The following BMP2K variants were observed in gnomAD, a reference collection of about 807,000 sequenced individuals.
BMP2K encodes BMP2 inducible kinase.
A neutral mutation model predicts 116.0 loss-of-function variants in BMP2K; 74 were observed. That is an observed-to-expected ratio of 0.64 (90% CI 0.53 to 0.77). BMP2K has a LOEUF of 0.77. Ranked by LOEUF, BMP2K falls within the 30% of genes least tolerant of loss-of-function variation. The pLI is 0.00. For synonymous variants in BMP2K, 486 were observed against 502.5 expected (o/e 0.97, Z 0.44); for missense variants, 1,365 against 1,403.6 (o/e 0.97, Z 0.44).
At chr4:78,848,348 A>T (rs1422851478) in intron 6 of BMP2K, among the ~76,000 whole-genome samples, 1 of 151,518 alleles carries the variant, frequency 6.6e-6, no homozygotes, top group Non-Finnish European at 1.5e-5. Context: ...TGCAGCATTA[A>T]CATTTGACTC....
intron 1 of BMP2K, among the ~76,000 whole-genome samples, chr4:78,799,260 G>GTT (rs35343467): frequency 1.4e-4 from 21 of 147,560 alleles, no homozygotes; most frequent in East Asian, 2.0e-4. Context: ...TTGATTGTCC[G>GTT]TTTTTTTTTT....
chr4:78,906,512 A>G (rs1276170394), intron 15 of BMP2K, among the ~76,000 whole-genome samples: 3 of 152,086 alleles, frequency 2.0e-5, no homozygotes, highest in African/African-American at 7.2e-5. Flanking sequence ...TCCATTTCTT[A>G]TACTGTGTTC....
chr4:78,914,355 C>T lies in BMP2K; in HGVS notation c.*2322C>T, dbSNP rs563794377. 6.6e-5 allele frequency: 10 copies of T among 152,136 alleles called. No individual in the cohort carries two copies. The highest frequency in any genetic ancestry group is 6.6e-4 in the Admixed American group (10 of 15,264). The allele number at this position is 152,136 out of a possible 1,614,324, so 9.4% of individuals were successfully genotyped here. A position where few individuals can be genotyped will look rare whatever the true frequency, so the allele number is the denominator to read the frequency against. On this transcript the variant is annotated 3_prime_UTR_variant, in exon 16 of 16. Transcript: ENST00000502613. ...ACATTCTTATAACACAGCACAGTGA[C>T]TTTCTTCTTTCAAGATTGTAGCTCA...
chr4:78,865,607 G>C lies in BMP2K; in HGVS notation c.1118G>C (p.Arg373Thr). 6.2e-7 allele frequency: 1 copy of C among 1,614,058 alleles called. No homozygotes were observed. The highest frequency in any genetic ancestry group is 8.5e-7 in the Non-Finnish European group (1 of 1,179,974). Reference sequence around the variant, plus strand: ...GAAACCTCAATTGCACCAAGACAAAGACCAAAGGCCAACTCTGCTACTACT... The same window carrying C: ...GAAACCTCAATTGCACCAAGACAAACACCAAAGGCCAACTCTGCTACTACT... ...PTETSIAPRQ[R>T]PKANSATTAT... Residue 373 changes from arginine to threonine, a missense_variant, in exon 10 of 16, where the codon AGA becomes ACA. Physicochemically the swap from Arg to Thr is moderately conservative, Grantham distance 71. Coordinates refer to ENST00000502613, the MANE Select transcript of BMP2K (RefSeq NM_198892.2).
chr4:78,801,814 G>A (rs973812705), intron 1 of BMP2K, among the ~76,000 whole-genome samples: 1 of 152,090 alleles, frequency 6.6e-6, no homozygotes, highest in Non-Finnish European at 1.5e-5. Flanking sequence ...GAGAGGATAT[G>A]CCATTGTTCT....
chr4:78,823,738 A>G (rs1340097099), intron 1 of BMP2K, among the ~76,000 whole-genome samples: 2 of 151,920 alleles, frequency 1.3e-5, no homozygotes, highest in Non-Finnish European at 2.9e-5. Flanking sequence ...AGATAAATTC[A>G]TACACAGACC....
chr4:78,825,249 A>G (rs545059915), intron 1 of BMP2K, among the ~76,000 whole-genome samples: 20 of 152,196 alleles, frequency 1.3e-4, no homozygotes, highest in Middle Eastern at 6.8e-3. Flanking sequence ...TTCCATATAA[A>G]CCATGGCTTA....
chr4:78,859,543 T>C, intron 7 of BMP2K, 41 bp from the exon 8 acceptor site: 1 of 1,338,010 alleles, frequency 7.5e-7, no homozygotes, highest in African/African-American at 1.5e-5. Flanking sequence ...GTATAATGTG[T>C]GTTTCATAAA....
chr4:78,823,526 TTA>T (rs890918679), intron 1 of BMP2K, among the ~76,000 whole-genome samples: 2 of 147,730 alleles, frequency 1.4e-5, no homozygotes, highest in South Asian at 2.1e-4. Context: ...ATATATATAG[TTA>T]TATATATGGT....
At chr4:78,888,174 A>T (rs1481675660) in intron 15 of BMP2K, 4 of 152,208 alleles carry the variant, frequency 2.6e-5, no homozygotes, top group Non-Finnish European at 5.9e-5. Context: ...TAGTTTTTTC[A>T]TTGCTTTCAT....
At chr4:78,909,027 T>C (rs1346340309) in intron 15 of BMP2K, among the ~76,000 whole-genome samples, 1 of 149,852 alleles carries the variant, frequency 6.7e-6, no homozygotes, top group Non-Finnish European at 1.5e-5. Flanking sequence ...TCCTTTTGCC[T>C]GAACTCCCCT....
chr4:78,858,248 G>C (rs940120476), intron 7 of BMP2K, among the ~76,000 whole-genome samples: 1 of 151,862 alleles, frequency 6.6e-6, no homozygotes, highest in Admixed American at 6.6e-5. Context: ...CCCATTTTGT[G>C]TACTGTTGTT....
intron 1 of BMP2K, among the ~76,000 whole-genome samples, chr4:78,795,322 A>G (rs1439502093): frequency 1.3e-5 from 2 of 152,198 alleles, no homozygotes; most frequent in African/African-American, 2.4e-5. Flanking sequence ...CTAATTATCT[A>G]ACTGTTGTGA....
At chr4:78,801,860 G>A (rs1027551161) in intron 1 of BMP2K, among the ~76,000 whole-genome samples, 7 of 151,984 alleles carry the variant, frequency 4.6e-5, no homozygotes, top group East Asian at 3.8e-4. Flanking sequence ...TACATCTATC[G>A]TCACTTTTTA....
intron 1 of BMP2K, among the ~76,000 whole-genome samples, chr4:78,786,405 A>ATGTGTG (rs34288286): frequency 0.013 from 1,803 of 134,352 alleles, 39 homozygotes; most frequent in African/African-American, 0.041. Context: ...AAGCCACCCA[A>ATGTGTG]TGTGTGTGTG....
intron 8 of BMP2K, 82 bp downstream of exon 8, chr4:78,859,769 T>C: frequency 1.0e-6 from 1 of 962,648 alleles, no homozygotes; most frequent in South Asian, 1.6e-5. Flanking sequence ...GTTACTTTTT[T>C]TTTGTTGCTG....
chr4:78,792,445 T>C (rs565934900), intron 1 of BMP2K, among the ~76,000 whole-genome samples: 20 of 152,376 alleles, frequency 1.3e-4, no homozygotes, highest in Middle Eastern at 6.8e-3. Context: ...TGACAAACTA[T>C]GATTATTCAT....
Position 78,883,417 on chromosome 4 carries a change from T to G in BMP2K, c.1952-3757T>G, listed in dbSNP as rs931766054. The stretch of plus-strand genomic sequence containing the variant: ...TGTGAACTTTAGAAACATAAATGAT[T>G]TTTTAAAAATTCAATTGAAAACTTG... On this transcript the variant is annotated intron_variant, in intron 14 of 15. Coordinates refer to ENST00000502613, the MANE Select transcript of BMP2K (RefSeq NM_198892.2). Among the ~76,000 whole-genome samples the G allele has an allele frequency of 4.6e-5, 7 of 152,196 alleles. No individual in the cohort carries two copies. In the South Asian group the frequency reaches 8.3e-4, roughly 18 times the overall value.
At chr4:78,825,978 A>C in intron 1 of BMP2K, 59 bp from the exon 2 acceptor site, 1 of 1,257,848 alleles carries the variant, frequency 8.0e-7, no homozygotes, top group East Asian at 2.3e-5. Context: ...TGATTATATT[A>C]CATGATTTTG....
Sources: allele counts gnomAD v4.1 joint callset (sites outside exome capture counted in the v4.1 genomes callset), GRCh38; gene constraint gnomAD v4.1.1; transcripts MANE v1.5; gene names NCBI Gene and HGNC (gene_info 2026-07-23, HGNC 2026-07-21).